PTPRD: variants seen among roughly 807,000 people sequenced by gnomAD.
PTPRD encodes receptor-type tyrosine-protein phosphatase delta.
In PTPRD, 34 loss-of-function variants were observed where a neutral mutation model predicts 214.5. That is an observed-to-expected ratio of 0.16 (90% confidence interval 0.12 to 0.21). The LOEUF is 0.21. PTPRD is among the 10% of genes least tolerant of loss of function. The pLI is 1.00. For missense variants in PTPRD, 2,545 were observed against 2,398.7 expected, an observed-to-expected ratio of 1.06 and a Z score of -1.27; for synonymous variants, 1,128 against 845.7, an observed-to-expected ratio of 1.33 and a Z score of -5.79.
intron 8 of PTPRD, among the ~76,000 whole-genome samples, chr9:9,506,197 A>T (rs1321155066): frequency 6.6e-6 from 1 of 151,432 alleles, no homozygotes; most frequent in Non-Finnish European, 1.5e-5. Context: ...TTCACGCAGC[A>T]ACCTATATAA....
chr9:10,027,441 C>T (rs1567172654), intron 4 of PTPRD, among the ~76,000 whole-genome samples: 2 of 152,136 alleles, frequency 1.3e-5, no homozygotes, highest in African/African-American at 2.4e-5. Context: ...ATAGGTACCT[C>T]CTTCCAACAG....
chr9:9,229,371 A>T (rs2099961640), intron 9 of PTPRD, among the ~76,000 whole-genome samples: 1 of 152,116 alleles, frequency 6.6e-6, no homozygotes. Flanking sequence ...TAGGAAGACC[A>T]TGTGAGCTGT....
intron 11 of PTPRD, among the ~76,000 whole-genome samples, chr9:9,009,397 A>G (rs2099498160): frequency 6.6e-6 from 1 of 150,518 alleles, no homozygotes. Flanking sequence ...CACAAATTTC[A>G]GCAGTTCTTT....
chr9:8,809,678 C>T (rs1443017063), intron 11 of PTPRD, among the ~76,000 whole-genome samples: 1 of 152,128 alleles, frequency 6.6e-6, no homozygotes, highest in Non-Finnish European at 1.5e-5. Context: ...CCATTGATTT[C>T]TATGATATAG....
intron 11 of PTPRD, among the ~76,000 whole-genome samples, chr9:8,758,810 T>C (rs905749522): frequency 6.6e-6 from 1 of 150,782 alleles, no homozygotes; most frequent in Non-Finnish European, 1.5e-5. Flanking sequence ...CAGGCTAGAG[T>C]GCAATGGCGC....
In PTPRD at chr9:8,486,245, G is replaced by A. The variant is rs146596907; in HGVS notation, c.2572C>T (p.Leu858=). ...TCCATATCCTTGCGGCCAAATTTTA[G>A]ACGGTAGCCCTGAAGAGGTCCAAAT... ...DTFGPLQGYR[L]KFGRKDMEPL... is the part of the protein sequence containing the mutation. The change falls in exon 28 of 46, where the codon CTA becomes TTA. Residue 858 remains leucine (L), a synonymous_variant. Transcript: ENST00000381196. The A allele has an allele frequency of 5.0e-6, 8 of 1,614,088 alleles. No homozygotes were observed. The African/African-American group carries it at 9.3e-5, about 19-fold the overall frequency.
chr9:8,773,803 C>T lies in PTPRD; in HGVS notation c.-103-39857G>A, dbSNP rs570064747. Among the ~76,000 whole-genome samples the T allele has an allele frequency of 2.6e-5, 4 of 152,272 alleles. No homozygotes were observed. In the South Asian group the frequency reaches 8.3e-4, roughly 32 times the overall value. On this transcript the variant is annotated intron_variant, in intron 11 of 45. Coordinates refer to ENST00000381196, the MANE Select transcript of PTPRD (RefSeq NM_002839.4). ...TAAAATAGCTGCAGTTTCAAATATA[C>T]AAAATATTCTTTCATTACACTTGCA...
At chr9:10,562,189 T>A (rs1251792798) in intron 2 of PTPRD, among the ~76,000 whole-genome samples, 2 of 152,164 alleles carry the variant, frequency 1.3e-5, no homozygotes, top group Admixed American at 6.6e-5. Flanking sequence ...TGTCTTGAGA[T>A]ATAAATCACT....
intron 9 of PTPRD, among the ~76,000 whole-genome samples, chr9:9,247,094 G>A (rs2099973390): frequency 6.6e-6 from 1 of 151,996 alleles, no homozygotes; most frequent in African/African-American, 2.4e-5. Context: ...GTCTAAAAAT[G>A]TCACTCTAGC....
At chr9:9,078,046 C>T (rs2099753734) in intron 10 of PTPRD, among the ~76,000 whole-genome samples, 1 of 151,946 alleles carries the variant, frequency 6.6e-6, no homozygotes, top group African/African-American at 2.4e-5. Flanking sequence ...TTTCAAGGGC[C>T]TTGACATTTT....
chr9:9,508,809 G>A (rs1187456910), intron 8 of PTPRD, among the ~76,000 whole-genome samples: 5 of 151,478 alleles, frequency 3.3e-5, no homozygotes, highest in East Asian at 3.9e-4. Flanking sequence ...TCTTCAGGAC[G>A]CAGCAGGATT....
intron 7 of PTPRD, among the ~76,000 whole-genome samples, chr9:9,632,332 T>C (rs1305680870): frequency 6.6e-6 from 1 of 151,712 alleles, no homozygotes; most frequent in Non-Finnish European, 1.5e-5. Context: ...CATGTAAATG[T>C]TTCCATTTAC....
intron 11 of PTPRD, among the ~76,000 whole-genome samples, chr9:8,926,565 CT>C (rs1218396948): frequency 6.6e-6 from 1 of 152,108 alleles, no homozygotes; most frequent in Non-Finnish European, 1.5e-5. Flanking sequence ...AACTCAGTGC[CT>C]TGTTCACTGA....
At chr9:8,388,979 T>C (rs1035413293) in intron 37 of PTPRD, among the ~76,000 whole-genome samples, 56 of 122,954 alleles carry the variant, frequency 4.6e-4, no homozygotes, top group Non-Finnish European at 6.6e-4. Context: ...CCTGTGAATA[T>C]TCCTTTTTTT....
At chr9:8,396,058 T>C (rs973869190) in intron 36 of PTPRD, among the ~76,000 whole-genome samples, 2 of 152,076 alleles carry the variant, frequency 1.3e-5, no homozygotes, top group African/African-American at 4.8e-5. Flanking sequence ...CATCAAGCAA[T>C]GAAGTAGTCA....
intron 11 of PTPRD, among the ~76,000 whole-genome samples, chr9:8,863,002 C>T (rs2154546047): frequency 6.6e-6 from 1 of 152,234 alleles, no homozygotes; most frequent in East Asian, 1.9e-4. Context: ...ACCAGCATGG[C>T]ACATGTATAC....
intron 7 of PTPRD, among the ~76,000 whole-genome samples, chr9:9,637,955 A>C (rs1266070749): frequency 6.6e-6 from 1 of 152,136 alleles, no homozygotes; most frequent in African/African-American, 2.4e-5. Context: ...GAACATCACC[A>C]AGGTTACAGC....
In PTPRD at chr9:9,447,291, T is replaced by C. The variant is rs543802626; in HGVS notation, c.-236-49809A>G. 2.6e-5 allele frequency among the ~76,000 whole-genome samples: 4 copies of C among 152,130 alleles called. No homozygotes were observed. The South Asian group carries it at 6.2e-4, about 24-fold the overall frequency. On this transcript the variant is annotated intron_variant, in intron 8 of 45. Coordinates refer to ENST00000381196, the MANE Select transcript of PTPRD (RefSeq NM_002839.4). The stretch of plus-strand genomic sequence containing the variant: ...AAATGTCCAGCAATGATAGACTGGA[T>C]AAGTAAATGTGCTATATATGTACCC...
chr9:9,065,250 C>G (rs1377604011), intron 10 of PTPRD, among the ~76,000 whole-genome samples: 1 of 152,092 alleles, frequency 6.6e-6, no homozygotes, highest in Admixed American at 6.5e-5. Context: ...GTGCCTTGGA[C>G]TTGGGGGATT....
Sources: gnomAD v4.1 joint callset for allele counts (sites outside exome capture counted in the v4.1 genomes callset) on GRCh38, gnomAD v4.1.1 for gene constraint, MANE v1.5 for transcripts, NCBI Gene and HGNC (gene_info 2026-07-23, HGNC 2026-07-21) for gene names.